Variants in PSMF1 observed in about 807,000 individuals in gnomAD.
The protein encoded by PSMF1 is proteasome inhibitor subunit 1.
Under a neutral mutation model 29.3 loss-of-function variants are expected in PSMF1, and 30 were observed. The observed-to-expected ratio is 1.02, with a 90% CI of 0.77 to 1.39. The LOEUF (loss-of-function observed/expected upper bound fraction) is 1.39, where lower values mean the gene tolerates loss of function less well. Ranked by LOEUF, PSMF1 falls within the 40% of genes most tolerant of loss-of-function variation. The pLI, the probability that PSMF1 is intolerant of heterozygous loss-of-function variation, is 0.00. For synonymous variants in PSMF1, 134 were observed against 139.7 expected (o/e 0.96, Z 0.29); for missense variants, 344 against 357.5 (o/e 0.96, Z 0.31).
At chr20:1,157,489 T>A (rs2086608092) in intron 4 of PSMF1, among the ~76,000 whole-genome samples, 1 of 152,166 alleles carries the variant, frequency 6.6e-6, no homozygotes, top group African/African-American at 2.4e-5. Flanking sequence ...CCAAATACTA[T>A]TACATAAAGT....
intron 4 of PSMF1, among the ~76,000 whole-genome samples, chr20:1,156,164 A>C (rs1478439655): frequency 6.6e-6 from 1 of 152,258 alleles, no homozygotes. Flanking sequence ...AATAGAATGG[A>C]TTTGACTAAG....
At chr20:1,134,808 G>A in intron 3 of PSMF1, 1 of 419,742 alleles carries the variant, frequency 2.4e-6, no homozygotes, top group Non-Finnish European at 4.5e-6. Context: ...GGAGGGGTGA[G>A]GCGGGTGAGG....
At chr20:1,162,996 A>G in intron 4 of PSMF1, 134 bp from the exon 5 acceptor site, 1 of 865,380 alleles carries the variant, frequency 1.2e-6, no homozygotes, top group South Asian at 1.6e-5. Context: ...TGAGCCAAGG[A>G]CCACCCTGAA....
chr20:1,117,794 G>A (rs1425221838), upstream of PSMF1: 2 of 152,236 alleles, frequency 1.3e-5, no homozygotes, highest in Non-Finnish European at 2.9e-5. Context: ...TGACTGGGAT[G>A]GGGAAACTAA....
intron 4 of PSMF1, among the ~76,000 whole-genome samples, chr20:1,136,937 C>A (rs774082133): frequency 2.6e-5 from 4 of 152,148 alleles, no homozygotes; most frequent in African/African-American, 7.2e-5. Context: ...ACTTAGTGTT[C>A]ATATATAAAA....
chr20:1,158,103 G>A (rs1046152538), intron 4 of PSMF1, among the ~76,000 whole-genome samples: 1 of 152,104 alleles, frequency 6.6e-6, no homozygotes, highest in African/African-American at 2.4e-5. Flanking sequence ...TGTGTCTCCT[G>A]GTGGCAGCGT....
chr20:1,161,529 C>G, intron 4 of PSMF1: 1 of 570,328 alleles, frequency 1.8e-6, no homozygotes, highest in Admixed American at 2.4e-5. Context: ...GATCACTGCC[C>G]TGGTGCCAGC....
intron 3 of PSMF1, among the ~76,000 whole-genome samples, chr20:1,127,940 C>T (rs559281710): frequency 6.6e-6 from 1 of 152,112 alleles, no homozygotes; most frequent in South Asian, 2.1e-4. Context: ...TGCTCCCATA[C>T]ACCCACAGTT....
Position 1,164,822 on chromosome 20 carries a change from T to C in PSMF1, c.765-207T>C, listed in dbSNP as rs2086708671. Among the ~76,000 whole-genome samples, 1 of 152,118 alleles carries C rather than the reference T, an allele frequency of 6.6e-6. No homozygotes were observed. On this transcript the variant is annotated intron_variant, in intron 6 of 6. Transcript: ENST00000335877. This position sits in a 1 kb window ranked among gnomAD's most constrained non-coding sequence, Gnocchi z 4.1. ...GTCTACATTTTATAGATGCAGAAAATGAGGCCCTGAAAGATTAGGTAACTT... is the reference window on the plus strand; with the variant it reads ...GTCTACATTTTATAGATGCAGAAAACGAGGCCCTGAAAGATTAGGTAACTT...
At chr20:1,152,050 T>C (rs1264136903) in intron 4 of PSMF1, among the ~76,000 whole-genome samples, 2 of 152,138 alleles carry the variant, frequency 1.3e-5, no homozygotes, top group Non-Finnish European at 2.9e-5. Flanking sequence ...AGTTACGTGG[T>C]TGGGACTCGG....
intron 2 of PSMF1, chr20:1,127,214 G>T: frequency 1.4e-6 from 1 of 722,636 alleles, no homozygotes; most frequent in Non-Finnish European, 2.5e-6. Flanking sequence ...TGGGAAGTAG[G>T]TGTTTTAGTC....
upstream of PSMF1, among the ~76,000 whole-genome samples, chr20:1,113,683 TTC>T (rs200988306): frequency 2.0e-5 from 3 of 151,746 alleles, no homozygotes; most frequent in Middle Eastern, 3.2e-3. Context: ...TTTCTTCTTC[TTC>T]TTTTTTTTTG....
At chr20:1,159,198 A>T (rs1056634280) in intron 4 of PSMF1, among the ~76,000 whole-genome samples, 9 of 152,050 alleles carry the variant, frequency 5.9e-5, no homozygotes, top group East Asian at 1.9e-4. Context: ...CTTTTTAAAA[A>T]TTTTTTATAT....
At chr20:1,137,599 T>C (rs2122518502) in intron 4 of PSMF1, among the ~76,000 whole-genome samples, 1 of 144,424 alleles carries the variant, frequency 6.9e-6, no homozygotes, top group East Asian at 2.1e-4. Flanking sequence ...CCTTGTTTTT[T>C]CAACAAATAA....
chr20:1,115,917 G>C (rs1348665312), upstream of PSMF1, among the ~76,000 whole-genome samples: 2 of 151,920 alleles, frequency 1.3e-5, no homozygotes, highest in Non-Finnish European at 2.9e-5. Flanking sequence ...ATTTTTAGTA[G>C]AGACAGGGTT....
At chr20:1,115,811 C>T (rs537876073), upstream of PSMF1, among the ~76,000 whole-genome samples, 8 of 151,238 alleles carry the variant, frequency 5.3e-5, no homozygotes, top group East Asian at 1.6e-3. Context: ...CGGCTCACTG[C>T]AACCTCTACC....
chr20:1,166,337 T>C lies in PSMF1; in HGVS notation c.*1257T>C. The C allele has an allele frequency of 7.3e-7, 1 of 1,376,498 alleles. No individual in the cohort carries two copies. 85.3% of individuals were successfully genotyped at this position (1,376,498 alleles called of 1,614,324 possible). A position where few individuals can be genotyped will look rare whatever the true frequency, so the allele number is the denominator to read the frequency against. ...ATCAAGGCGGTAGTCACTTCCGCTCTGCAGCTAGCATTTCAACCATATGTG... is the reference window on the plus strand; with the variant it reads ...ATCAAGGCGGTAGTCACTTCCGCTCCGCAGCTAGCATTTCAACCATATGTG... On this transcript the variant is annotated 3_prime_UTR_variant, in exon 7 of 7. Transcript: ENST00000335877.
intron 1 of PSMF1, among the ~76,000 whole-genome samples, chr20:1,120,763 G>A (rs1481318399): frequency 1.3e-5 from 2 of 152,118 alleles, no homozygotes; most frequent in Non-Finnish European, 2.9e-5. Flanking sequence ...TTGTCCTTCA[G>A]ATGGAACAGC....
intron 1 of PSMF1, 128 bp from the exon 2 acceptor site, chr20:1,125,370 C>G (rs1316545057): frequency 2.9e-6 from 3 of 1,044,586 alleles, no homozygotes; most frequent in Non-Finnish European, 4.0e-6. Flanking sequence ...TTGGGCAAGT[C>G]ATTTCTCTTG....
Sources: allele counts gnomAD v4.1 joint callset (sites outside exome capture counted in the v4.1 genomes callset), GRCh38; gene constraint gnomAD v4.1.1; non-coding constraint Gnocchi (gnomAD v3.1); transcripts MANE v1.5; gene names NCBI Gene and HGNC (gene_info 2026-07-23, HGNC 2026-07-21).